The following KANK1 variants were observed in gnomAD, a reference collection of about 807,000 sequenced individuals.
KANK1 encodes KN motif and ankyrin repeat domain-containing protein 1.
In KANK1, 109 loss-of-function variants were observed where a neutral mutation model predicts 106.2. The ratio of observed to expected loss-of-function variants is 1.03; its 90% CI spans 0.88 to 1.20. KANK1 has a LOEUF of 1.20. KANK1 is among the 50% of genes most tolerant of loss of function. The pLI is 0.00. For missense variants in KANK1, 2,399 were observed against 1,710.7 expected (o/e 1.40, Z -7.10); for synonymous variants, 873 against 652.2 (o/e 1.34, Z -5.16).
intron 1 of KANK1, among the ~76,000 whole-genome samples, chr9:640,943 G>A (rs555570744): frequency 3.9e-5 from 6 of 152,114 alleles, no homozygotes; most frequent in African/African-American, 7.2e-5. Flanking sequence ...TTATCTGCCC[G>A]CCTCGGCCTC....
intron 2 of KANK1, among the ~76,000 whole-genome samples, chr9:692,807 G>A (rs1820298759): frequency 1.3e-5 from 2 of 151,968 alleles, no homozygotes; most frequent in African/African-American, 4.8e-5. Flanking sequence ...TTGAGCTCAG[G>A]CATTCGAGCC....
At chr9:730,306 A>G (rs1831862248) in intron 4 of KANK1, 58 bp downstream of exon 4, 1 of 1,507,128 alleles carries the variant, frequency 6.6e-7, no homozygotes, top group Non-Finnish European at 9.2e-7. Flanking sequence ...CATTGCCAGC[A>G]TTCCAATTTA....
At chr9:674,071 T>G (rs1050969255) in intron 1 of KANK1, 1 of 152,170 alleles carries the variant, frequency 6.6e-6, no homozygotes, top group Non-Finnish European at 1.5e-5. Flanking sequence ...ACTCCTATTC[T>G]TAAAAGACAG....
chr9:686,746 C>CTA (rs1467967463), intron 2 of KANK1: 2 of 985,032 alleles, frequency 2.0e-6, no homozygotes, highest in African/African-American at 3.5e-5. Context: ...ACCTATGAGC[C>CTA]TATCCGGTAA....
At chr9:528,431 G>C (rs1444287747) in intron 1 of KANK1, among the ~76,000 whole-genome samples, 6 of 143,626 alleles carry the variant, frequency 4.2e-5, no homozygotes, top group Non-Finnish European at 9.1e-5. Flanking sequence ...GATTTCCTCA[G>C]CTTTACCTTA....
At chr9:666,504 C>T (rs939592944) in intron 1 of KANK1, among the ~76,000 whole-genome samples, 10 of 152,056 alleles carry the variant, frequency 6.6e-5, no homozygotes, top group African/African-American at 2.4e-4. Context: ...TGAAAGTGCA[C>T]CCCCTTGTCT....
upstream of KANK1, among the ~76,000 whole-genome samples, chr9:499,742 T>A (rs190086064): frequency 7.0e-4 from 107 of 152,296 alleles, no homozygotes; most frequent in African/African-American, 2.4e-3. Flanking sequence ...AGAATTACAT[T>A]GACATAGATC....
At chr9:674,340 C>T (rs998399539) in intron 1 of KANK1, 1 of 149,484 alleles carries the variant, frequency 6.7e-6, no homozygotes, top group Non-Finnish European at 1.5e-5. Context: ...GTCAGTGTAG[C>T]TGGAAAAGCC....
At chr9:504,596 C>T (rs1338055779), upstream of KANK1, 1 of 149,142 alleles carries the variant, frequency 6.7e-6, no homozygotes, top group African/African-American at 2.5e-5. Context: ...GCTGGTCCGC[C>T]CCGGCTTCCC....
chr9:559,558 T>TTTAA (rs1353317785), intron 1 of KANK1, among the ~76,000 whole-genome samples: 1 of 152,232 alleles, frequency 6.6e-6, no homozygotes, highest in African/African-American at 2.4e-5. Context: ...GAAAATGCTG[T>TTTAA]ATAAACCTTA....
At chr9:664,821 A>G (rs1406495492) in intron 1 of KANK1, among the ~76,000 whole-genome samples, 2 of 152,134 alleles carry the variant, frequency 1.3e-5, no homozygotes, top group African/African-American at 4.8e-5. Flanking sequence ...CTTTCTCTGC[A>G]TCCTCACCAG....
At chr9:601,383 C>T (rs1416969744) in intron 1 of KANK1, among the ~76,000 whole-genome samples, 1 of 151,850 alleles carries the variant, frequency 6.6e-6, no homozygotes. Context: ...GTAGTTCTGA[C>T]TCTTTAAACT....
intron 1 of KANK1, among the ~76,000 whole-genome samples, chr9:563,169 T>G (rs1456695661): frequency 7.2e-6 from 1 of 139,548 alleles, no homozygotes; most frequent in South Asian, 2.4e-4. Context: ...TTCGAGCAAA[T>G]GAATGAAATA....
At chr9:649,416 C>T (rs1840397695) in intron 1 of KANK1, among the ~76,000 whole-genome samples, 1 of 152,132 alleles carries the variant, frequency 6.6e-6, no homozygotes, top group African/African-American at 2.4e-5. Flanking sequence ...AAATGAAGAG[C>T]CAGCAAATTA....
At chr9:701,348 G>C (rs7037468) in intron 2 of KANK1, among the ~76,000 whole-genome samples, 91,808 of 152,090 alleles carry the variant, frequency 0.6, 28,751 homozygotes, top group Non-Finnish European at 0.68. Context: ...AGGTGATCCA[G>C]CCGCCTTGGC....
intron 1 of KANK1, among the ~76,000 whole-genome samples, chr9:583,089 C>T (rs1251960788): frequency 1.3e-5 from 2 of 152,094 alleles, no homozygotes; most frequent in African/African-American, 4.8e-5. Flanking sequence ...TGGTGCAGAA[C>T]CTAGTAACTT....
At chr9:687,748 GTTCCTCTCTTCCTCTTCTT>G (rs1372288703) in intron 2 of KANK1, among the ~76,000 whole-genome samples, 2 of 152,158 alleles carry the variant, frequency 1.3e-5, no homozygotes, top group Non-Finnish European at 2.9e-5. Flanking sequence ...CCCAATGGGA[GTTCCTCTCTTCCTCTTCTT>G]TATTCCTTTT....
chr9:626,190 G>A (rs1225973928), intron 1 of KANK1, among the ~76,000 whole-genome samples: 5 of 152,142 alleles, frequency 3.3e-5, no homozygotes, highest in Admixed American at 6.5e-5. Flanking sequence ...GCGTCCGGGT[G>A]CAGTGGTTCA....
At chr9:647,583 T>A (rs1360328186) in intron 1 of KANK1, among the ~76,000 whole-genome samples, 1 of 150,662 alleles carries the variant, frequency 6.6e-6, no homozygotes, top group Non-Finnish European at 1.5e-5. Context: ...CACTTTGCCT[T>A]AAGGGGAGTG....
Sources: gnomAD v4.1 joint callset for allele counts (sites outside exome capture counted in the v4.1 genomes callset) on GRCh38, gnomAD v4.1.1 for gene constraint, MANE v1.5 for transcripts, NCBI Gene and HGNC (gene_info 2026-07-23, HGNC 2026-07-21) for gene names.